The following TRPM8 variants were observed in gnomAD, a reference collection of about 807,000 sequenced individuals.
TRPM8 encodes transient receptor potential cation channel subfamily M member 8, also known as TRPM8 cationic channel.
In TRPM8, 110 loss-of-function variants were observed where a neutral mutation model predicts 133.7. That is an observed-to-expected ratio of 0.82 (90% CI 0.70 to 0.96). TRPM8 has a LOEUF of 0.96. Among genes scored for constraint, TRPM8 ranks in the 40% least tolerant of loss-of-function variants. TRPM8 has a pLI of 0.00. For synonymous variants in TRPM8, 535 were observed against 532.3 expected (o/e 1.01, Z -0.07); for missense variants, 1,291 against 1,379.5 (o/e 0.94, Z 1.02).
At chr2:233,980,411 G>A (rs367648096) in intron 18 of TRPM8, 132 bp downstream of exon 18, 3 of 576,786 alleles carry the variant, frequency 5.2e-6, no homozygotes, top group African/African-American at 3.9e-5. Context: ...CATGGTGTCT[G>A]CTTTATAGAG....
At chr2:233,938,477 C>A (rs765051366) in intron 4 of TRPM8, among the ~76,000 whole-genome samples, 1 of 152,192 alleles carries the variant, frequency 6.6e-6, no homozygotes, top group Non-Finnish European at 1.5e-5. Context: ...CCAAGATGGT[C>A]AGAGCACGGT....
At chr2:234,005,975 G>A (rs1450119907) in intron 22 of TRPM8, among the ~76,000 whole-genome samples, 1 of 129,828 alleles carries the variant, frequency 7.7e-6, no homozygotes, top group African/African-American at 3.3e-5. Flanking sequence ...CACAGAATTT[G>A]CTTAAATCCA....
rs536486454 is a variant in TRPM8, at chr2:233,959,944, A to ATT, written c.1363-815_1363-814dup. ...CTGCAGGTGCGTGCCACCACACCTA[A>ATT]TTTTTTTTTTTTTTTTTTAGTAGAG... On this transcript the variant is annotated intron_variant, in intron 11 of 25. Coordinates refer to ENST00000324695, the MANE Select transcript of TRPM8 (RefSeq NM_024080.5). 2.3e-3 allele frequency among the ~76,000 whole-genome samples: 308 copies of ATT among 134,912 alleles called. 1 individual carries two copies. The highest frequency in any genetic ancestry group is 6.9e-3 in the African/African-American group (261 of 37,624). 88.5% of individuals were successfully genotyped at this position (134,912 alleles called of 152,430 possible).
At chr2:233,992,141 T>G (rs888622510) in intron 21 of TRPM8, among the ~76,000 whole-genome samples, 8 of 152,144 alleles carry the variant, frequency 5.3e-5, no homozygotes, top group Admixed American at 2.0e-4. Flanking sequence ...AGTGACTACG[T>G]TTTGGTACGT....
chr2:233,953,187 G>A (rs1279629577), intron 9 of TRPM8, among the ~76,000 whole-genome samples: 1 of 152,144 alleles, frequency 6.6e-6, no homozygotes, highest in Non-Finnish European at 1.5e-5. Flanking sequence ...GGCTCTTTTT[G>A]CCACCTTCAA....
At chr2:233,995,277 T>G (rs922415077) in intron 21 of TRPM8, among the ~76,000 whole-genome samples, 2 of 152,244 alleles carry the variant, frequency 1.3e-5, no homozygotes, top group East Asian at 3.8e-4. Flanking sequence ...GCCAGTTAAT[T>G]TAAGCAGACT....
chr2:233,949,924 G>A (rs1239406835), intron 8 of TRPM8, 25 bp from the exon 9 acceptor site: 1 of 1,612,208 alleles, frequency 6.2e-7, no homozygotes, highest in African/African-American at 1.3e-5. Context: ...TCTCTGATCT[G>A]TCTGACTCTG....
chr2:233,975,190 C>CAG (rs35173283), intron 17 of TRPM8, among the ~76,000 whole-genome samples: 125,992 of 151,928 alleles, frequency 0.83, 52,502 homozygotes, highest in Middle Eastern at 0.85. Context: ...ATTTGGTCCT[C>CAG]GGGCTAGCAC....
intron 3 of TRPM8, among the ~76,000 whole-genome samples, chr2:233,935,284 G>A (rs185987840): frequency 3.3e-4 from 51 of 152,282 alleles, no homozygotes; most frequent in African/African-American, 1.2e-3. Context: ...GCCTGTGCAG[G>A]GGATCCTTGC....
Position 233,942,724 on chromosome 2 carries a change from C to G in TRPM8, c.675C>G (p.Thr225=). 6.2e-7 allele frequency: 1 copy of G among 1,614,116 alleles called. No individual in the cohort carries two copies. The highest frequency in any genetic ancestry group is 8.5e-7 in the Non-Finnish European group (1 of 1,180,024). ...GGGGCATGGTCTCCAACCGGGACAC[C>G]CTCATCAGGAATTGCGATGCTGAGG... ...AAWGMVSNRD[T]LIRNCDAEGY... Residue 225 remains threonine (T), a synonymous_variant, in exon 6 of 26, where the codon ACC becomes ACG. Transcript: ENST00000324695.
Position 233,961,053 on chromosome 2 carries a change from A to G in TRPM8, c.1640A>G (p.Asp547Gly), listed in dbSNP as rs1206130356. 1 of 1,613,760 alleles carries G rather than the reference A, an allele frequency of 6.2e-7. No individual in the cohort carries two copies. Among genetic ancestry groups the G allele is most frequent in the Non-Finnish European group, 8.5e-7 (1 of 1,179,984 alleles). ...KEDRNGRDEM[D>G]IELHDVSPIT... ...GACAGAAATGGCCGGGACGAGATGGACATAGAACTCCACGTAGGTACTGGG... is the reference window on the plus strand; with the variant it reads ...GACAGAAATGGCCGGGACGAGATGGGCATAGAACTCCACGTAGGTACTGGG... Residue 547 changes from aspartate to glycine, a missense_variant, in exon 12 of 26, where the codon GAC (aspartate) becomes GGC (glycine). Physicochemically the swap from Asp to Gly is moderately conservative, Grantham distance 94. This residue lies in a region of TRPM8 where 963 missense variants were observed against 968.9 expected (regional missense o/e 0.99). Coordinates refer to ENST00000324695, the MANE Select transcript of TRPM8 (RefSeq NM_024080.5).
intron 25 of TRPM8, among the ~76,000 whole-genome samples, chr2:234,016,376 T>C (rs1692956404): frequency 6.6e-6 from 1 of 152,240 alleles, no homozygotes. Context: ...TTTTTTTGAA[T>C]GTTGTGTTTG....
chr2:234,002,741 G>A (rs796074605), intron 22 of TRPM8, among the ~76,000 whole-genome samples: 12 of 152,300 alleles, frequency 7.9e-5, no homozygotes, highest in African/African-American at 2.9e-4. Flanking sequence ...AAATATAGGG[G>A]AGAATCCAGT....
In TRPM8 at chr2:233,927,923, T is replaced by TC. The variant is rs1691593361; in HGVS notation, c.117+1269_117+1270insC. ...CTTTCTTTCTTTCTCTCTCTCTCTC[T>TC]TTCTCTCTCTCTCTCTCTCTCTCTC... is the stretch of plus-strand genomic sequence containing the variant. On this transcript the variant is annotated intron_variant, in intron 2 of 25. Transcript: ENST00000324695. Among the ~76,000 whole-genome samples the TC allele has an allele frequency of 4.0e-4, 16 of 40,494 alleles. 1 individual carries two copies. Among genetic ancestry groups the TC allele is most frequent in the South Asian group, 1.1e-3 (1 of 880 alleles). The allele number at this position is 40,494 out of a possible 152,430, so 26.6% of individuals were successfully genotyped here.
chr2:234,009,043 G>C (rs1028421200), intron 24 of TRPM8, among the ~76,000 whole-genome samples: 5 of 152,176 alleles, frequency 3.3e-5, no homozygotes, highest in Non-Finnish European at 5.9e-5. Flanking sequence ...GGGAAGAAGT[G>C]GGGGAGTCTG....
At chr2:233,922,963 G>C (rs1574684319) in intron 1 of TRPM8, among the ~76,000 whole-genome samples, 1 of 152,244 alleles carries the variant, frequency 6.6e-6, no homozygotes, top group Non-Finnish European at 1.5e-5. Flanking sequence ...CCGCCTCCCA[G>C]GTTCACGCAT....
At chr2:233,982,934 G>A (rs1195220089) in intron 19 of TRPM8, 119 bp from the exon 20 acceptor site, 1 of 1,091,750 alleles carries the variant, frequency 9.2e-7, no homozygotes, top group East Asian at 2.4e-5. Context: ...GGGTGACTTA[G>A]ATGCTCTGAG....
rs10803665 is a variant in TRPM8 at position 233,925,989 on chromosome 2, G to C, written c.-5-544G>C. On this transcript the variant is annotated intron_variant, in intron 1 of 25. Coordinates refer to ENST00000324695, the MANE Select transcript of TRPM8 (RefSeq NM_024080.5). ...CTCCAGAGCCCTAGAGGGAAGTCTT[G>C]GGCGTTAGAGTCTCAGGATGACCTG... 0.015 allele frequency among the ~76,000 whole-genome samples: 2,324 copies of C among 152,098 alleles called. 208 individuals carry two copies. In the East Asian group the frequency reaches 0.23, roughly 15 times the overall value.
At chr2:234,002,447 A>T (rs149885556) in intron 22 of TRPM8, among the ~76,000 whole-genome samples, 92 of 152,332 alleles carry the variant, frequency 6.0e-4, no homozygotes, top group African/African-American at 2.2e-3. Context: ...AAATGGTGAC[A>T]TGAACCATGA....
Sources: allele counts gnomAD v4.1 joint callset (sites outside exome capture counted in the v4.1 genomes callset), GRCh38; gene constraint gnomAD v4.1.1; regional missense constraint gnomAD v4.1.1; transcripts MANE v1.5; gene names NCBI Gene and HGNC (gene_info 2026-07-23, HGNC 2026-07-21).